Variants in CTRB1 observed in about 807,000 individuals in gnomAD.
CTRB1 encodes chymotrypsinogen B.
CTRB1 carries 15 observed loss-of-function variants against 20.4 expected under a neutral mutation model. That is an observed-to-expected ratio of 0.74 (90% CI 0.49 to 1.13). The LOEUF (loss-of-function observed/expected upper bound fraction) is 1.13. CTRB1 is among the 50% of genes most tolerant of loss of function. The probability of loss-of-function intolerance (pLI) is 0.00; values close to 1 mark genes in which losing one functional copy is unlikely to be tolerated. For synonymous variants in CTRB1, 92 were observed against 128.4 expected (o/e 0.72, Z 1.92); for missense variants, 227 against 290.1 (o/e 0.78, Z 1.58).
At chr16:75,224,634 A>G in intron 6 of CTRB1, 71 bp from the exon 7 acceptor site, 1 of 1,509,646 alleles carries the variant, frequency 6.6e-7, no homozygotes, top group Non-Finnish European at 8.9e-7. Flanking sequence ...CTCTGGGAAC[A>G]ATGTCCAGTG....
At chr16:75,224,619 C>A in intron 6 of CTRB1, 86 bp from the exon 7 acceptor site, 4 of 1,452,210 alleles carry the variant, frequency 2.8e-6, no homozygotes, top group Non-Finnish European at 3.7e-6. Flanking sequence ...GGGTCCTGGA[C>A]TGGACTCTGG....
At chr16:75,221,553 T>A (rs2039084642) in intron 1 of CTRB1, among the ~76,000 whole-genome samples, 1 of 151,806 alleles carries the variant, frequency 6.6e-6, no homozygotes, top group East Asian at 2.0e-4. Flanking sequence ...AGAGATGGGG[T>A]TTTACTATGT....
chr16:75,222,719 C>T lies in CTRB1; in HGVS notation c.53-49C>T, dbSNP rs369062700. The stretch of plus-strand genomic sequence containing the variant: ...GAGAGCTGCACGCAGGCAGGTGAGG[C>T]CCAGGTGGGTTTGGGGCCTCAGCCC... On this transcript the variant is annotated intron_variant, in intron 1 of 6. Coordinates refer to ENST00000361017, the MANE Select transcript of CTRB1 (RefSeq NM_001906.6). The T allele has an allele frequency of 1.8e-5, 28 of 1,528,798 alleles. 1 individual carries two copies. The highest frequency in any genetic ancestry group is 2.5e-5 in the East Asian group (1 of 40,592). The allele number at this position is 1,528,798 out of a possible 1,614,324, so 94.7% of individuals were successfully genotyped here.
chr16:75,221,077 G>A (rs1211346348), intron 1 of CTRB1, among the ~76,000 whole-genome samples: 1 of 152,196 alleles, frequency 6.6e-6, no homozygotes, highest in Non-Finnish European at 1.5e-5. Context: ...TGAAACGTCA[G>A]GGAGGCACCT....
intron 1 of CTRB1, chr16:75,222,486 C>T (rs2076700909): frequency 1.9e-6 from 1 of 521,018 alleles, no homozygotes; most frequent in African/African-American, 1.9e-5. Flanking sequence ...CCCAGGCAGT[C>T]TTACAGCCCG....
In CTRB1 at chr16:75,224,816, C is replaced by T. The variant is rs146246357; in HGVS notation, c.742C>T (p.Arg248Cys). The change falls in exon 7 of 7, where the codon CGT becomes TGT. Residue 248 changes from arginine (R) to cysteine (C), a missense_variant. Around this residue, in one of 4 missense-constraint regions of CTRB1, gnomAD observed 108 missense variants for 76.9 expected, o/e 1.41. Coordinates refer to ENST00000361017, the MANE Select transcript of CTRB1 (RefSeq NM_001906.6). ...CSTSSPGVYA[R>C]VTKLIPWVQK... ...CACCTCCAGCCCTGGCGTGTACGCC[C>T]GTGTCACCAAGCTCATACCTTGGGT... The T allele has an allele frequency of 3.8e-5, 62 of 1,613,870 alleles. 1 individual carries two copies. The highest frequency in any genetic ancestry group is 3.7e-4 in the African/African-American group (28 of 74,942).
chr16:75,224,348 C>G (rs925877974), intron 6 of CTRB1, among the ~76,000 whole-genome samples, 160 bp downstream of exon 6: 1 of 152,244 alleles, frequency 6.6e-6, no homozygotes, highest in Admixed American at 6.5e-5. Flanking sequence ...GCCAATGGCT[C>G]TTGGAGTTGT....
chr16:75,219,104 C>A, intron 1 of CTRB1, 45 bp downstream of exon 1: 1 of 1,551,744 alleles, frequency 6.4e-7, no homozygotes, highest in South Asian at 1.2e-5. Flanking sequence ...GAGCCCTGAG[C>A]CTGGCTGAGA....
chr16:75,222,562 T>A (rs2076701907), intron 1 of CTRB1: 2 of 606,110 alleles, frequency 3.3e-6, no homozygotes, highest in South Asian at 4.3e-5. Flanking sequence ...CTCTGCATCC[T>A]GGAAGGATGA....
intron 1 of CTRB1, among the ~76,000 whole-genome samples, chr16:75,222,421 C>A (rs2076700420): frequency 6.6e-6 from 1 of 152,230 alleles, no homozygotes; most frequent in African/African-American, 2.4e-5. Context: ...GGCCTGAGTG[C>A]TGCCCTGCCC....
intron 1 of CTRB1, among the ~76,000 whole-genome samples, chr16:75,219,394 TC>T (rs2039046369): frequency 6.6e-6 from 1 of 151,506 alleles, no homozygotes; most frequent in Admixed American, 6.6e-5. Flanking sequence ...TTCCTTTCTT[TC>T]TTTTTTTTTT....
chr16:75,219,117 G>T (rs1268647467), intron 1 of CTRB1, 58 bp downstream of exon 1: 2 of 1,530,654 alleles, frequency 1.3e-6, no homozygotes, highest in Non-Finnish European at 8.8e-7. Context: ...GGCTGAGAGG[G>T]GGATCTGAGT....
chr16:75,222,552 C>T lies in CTRB1; in HGVS notation c.53-216C>T, dbSNP rs879804527. 5 of 595,766 alleles carry T rather than the reference C, an allele frequency of 8.4e-6. No homozygotes were observed. The African/African-American group carries it at 9.3e-5, about 11-fold the overall frequency. 36.9% of individuals were successfully genotyped at this position (595,766 alleles called of 1,614,324 possible). A position where few individuals can be genotyped will look rare whatever the true frequency, so the allele number is the denominator to read the frequency against. ...GCCCCAGGTAGGAGGAGACATGACG[C>T]TCTGCATCCTGGAAGGATGACTGGA... On this transcript the variant is annotated intron_variant, in intron 1 of 6. Coordinates refer to ENST00000361017, the MANE Select transcript of CTRB1 (RefSeq NM_001906.6).
intron 1 of CTRB1, chr16:75,222,522 G>A (rs2076701187): frequency 1.8e-6 from 1 of 562,440 alleles, no homozygotes; most frequent in African/African-American, 1.9e-5. Context: ...CTTCAGGCTG[G>A]ACAGGCCCCA....
rs942945115 is a variant in CTRB1, at chr16:75,224,838, G to C, written c.764G>C (p.Trp255Ser). ...VYARVTKLIP[W>S]VQKILAAN Reference sequence around the variant, plus strand: ...GCCCGTGTCACCAAGCTCATACCTTGGGTGCAGAAGATCCTGGCTGCCAAC... The same window carrying C: ...GCCCGTGTCACCAAGCTCATACCTTCGGTGCAGAAGATCCTGGCTGCCAAC... Residue 255 changes from tryptophan (W) to serine (S), a missense_variant, in exon 7 of 7, where the codon TGG becomes TCG. Around this residue, in one of 4 missense-constraint regions of CTRB1, gnomAD observed 108 missense variants for 76.9 expected, o/e 1.41. Transcript: ENST00000361017. 10 of 1,613,932 alleles carry C rather than the reference G, an allele frequency of 6.2e-6. No homozygotes were observed. Among genetic ancestry groups the C allele is most frequent in the Non-Finnish European group, 8.5e-6 (10 of 1,180,018 alleles).
At position 75,224,709 on chromosome 16, in the gene CTRB1, A is replaced by T. The variant is rs998265659; in HGVS notation, c.635A>T (p.Asp212Val). The T allele has an allele frequency of 1.2e-6, 2 of 1,608,714 alleles. No individual in the cohort carries two copies. Among genetic ancestry groups the T allele is most frequent in the African/African-American group, 2.7e-5 (2 of 74,436 alleles). The change falls in exon 7 of 7, where the codon GAC becomes GTC. Residue 212 changes from aspartate (D) to valine (V), a missense_variant. Asp to Val is a radical substitution (Grantham distance 152, BLOSUM62 -3). This residue lies in a region of CTRB1 where 108 missense variants were observed against 76.9 expected (regional missense o/e 1.41). Transcript: ENST00000361017. The part of the protein sequence containing the change: ...GASGVSSCMG[D>V]SGGPLVCQKD... The stretch of plus-strand genomic sequence containing the variant: ...CCCCTTCTCCCTCTCCCACAGGGCG[A>T]CTCTGGCGGCCCCCTGGTCTGCCAA...
Position 75,219,052 on chromosome 16 carries a change from C to T in CTRB1, c.45C>T (p.Ala15=), listed in dbSNP as rs769315742. 18 of 1,590,490 alleles carry T rather than the reference C, an allele frequency of 1.1e-5. No homozygotes were observed. Among genetic ancestry groups the T allele is most frequent in the East Asian group, 6.8e-5 (3 of 44,190 alleles). ...WLLSCFSLVG[A]AFGCGVPAIH... The stretch of plus-strand genomic sequence containing the variant: ...TCTCCTGCTTCTCCCTTGTGGGGGC[C>T]GCCTTTGGTGAGTGCTGGTGCCCGA... The change falls in exon 1 of 7, where the codon GCC becomes GCT. Residue 15 remains alanine (A), a synonymous_variant. Transcript: ENST00000361017.
intron 1 of CTRB1, among the ~76,000 whole-genome samples, chr16:75,220,434 T>C (rs1351257552): frequency 6.6e-6 from 1 of 152,214 alleles, no homozygotes; most frequent in Non-Finnish European, 1.5e-5. Flanking sequence ...TCCGCCCACC[T>C]CAGCCTCCCA....
rs746939366 is a variant in CTRB1, at chr16:75,222,750, C to T, written c.53-18C>T. On this transcript the variant is annotated intron_variant, in intron 1 of 6. Coordinates refer to ENST00000361017, the MANE Select transcript of CTRB1 (RefSeq NM_001906.6). ...TGGGTTTGGGGCCTCAGCCCTTATTCACCCCACTCCCCCCCAGGCTGCGGG... is the reference window on the plus strand; with the variant it reads ...TGGGTTTGGGGCCTCAGCCCTTATTTACCCCACTCCCCCCCAGGCTGCGGG... 25 of 1,552,284 alleles carry T rather than the reference C, an allele frequency of 1.6e-5. No homozygotes were observed. The highest frequency in any genetic ancestry group is 2.2e-5 in the Non-Finnish European group (25 of 1,147,020).
Sources: allele counts gnomAD v4.1 joint callset (sites outside exome capture counted in the v4.1 genomes callset), GRCh38; gene constraint gnomAD v4.1.1; regional missense constraint gnomAD v4.1.1; transcripts MANE v1.5; gene names NCBI Gene and HGNC (gene_info 2026-07-23, HGNC 2026-07-21).